The following PTPA variants were observed in gnomAD, a reference collection of about 807,000 sequenced individuals.
PTPA encodes the protein serine/threonine-protein phosphatase 2A activator.
PTPA carries 13 observed loss-of-function variants against 43.6 expected under a neutral mutation model. The observed-to-expected ratio is 0.30, with a 90% CI of 0.19 to 0.47. The LOEUF (loss-of-function observed/expected upper bound fraction) is 0.47. PTPA is among the 20% of genes least tolerant of loss of function. PTPA has a pLI of 0.99. For synonymous variants in PTPA, 172 were observed against 158.2 expected (o/e 1.09, Z -0.66); for missense variants, 329 against 411.9 (o/e 0.80, Z 1.74).
chr9:129,143,731 T>C (rs1851075930), intron 9 of PTPA: 1 of 283,388 alleles, frequency 3.5e-6, no homozygotes, highest in African/African-American at 2.1e-5. Context: ...CTCTCTAATC[T>C]GAGAGGCCTG....
intron 8 of PTPA, 182 bp from the exon 9 acceptor site, chr9:129,142,261 GTT>G: frequency 2.0e-6 from 1 of 506,414 alleles, no homozygotes; most frequent in Non-Finnish European, 3.4e-6. Context: ...GCATGTGCCT[GTT>G]TGTATGTTTG....
Position 129,142,507 on chromosome 9 carries a change from C to T in PTPA, c.849C>T (p.Ser283=). 6.2e-7 allele frequency: 1 copy of T among 1,613,470 alleles called. No individual in the cohort carries two copies. Among genetic ancestry groups the T allele is most frequent in the Non-Finnish European group, 8.5e-7 (1 of 1,179,466 alleles). The change falls in exon 9 of 10, where the codon TCC becomes TCT. Residue 283 remains serine (S), a synonymous_variant. Coordinates refer to ENST00000393370, the MANE Select transcript of PTPA (RefSeq NM_178000.3). ...TGTGGAACATCAGCGCCGTCCCTTCCTGGTCCAAAGTGAACCAGGGTCTCA... is the reference window on the plus strand; with the variant it reads ...TGTGGAACATCAGCGCCGTCCCTTCTTGGTCCAAAGTGAACCAGGGTCTCA... The part of the protein sequence containing the change: ...NQLWNISAVP[S]WSKVNQGLIR...
intron 8 of PTPA, among the ~76,000 whole-genome samples, chr9:129,141,112 T>C (rs1850782595): frequency 6.6e-6 from 1 of 152,052 alleles, no homozygotes; most frequent in African/African-American, 2.4e-5. Flanking sequence ...TTTGGGAACC[T>C]GGGCCAGGGG....
chr9:129,132,230 T>C (rs1250235874), intron 5 of PTPA, among the ~76,000 whole-genome samples: 1 of 152,178 alleles, frequency 6.6e-6, no homozygotes, highest in African/African-American at 2.4e-5. Flanking sequence ...TTTTGGAGGC[T>C]GAGGGGGAGG....
intron 9 of PTPA, chr9:129,142,887 CTCGGGCAG>C: frequency 2.7e-6 from 4 of 1,501,748 alleles, no homozygotes; most frequent in Non-Finnish European, 3.6e-6. Context: ...CTCCTCAAAG[CTCGGGCAG>C]TCTGAGTCTG....
intron 3 of PTPA, among the ~76,000 whole-genome samples, chr9:129,125,262 G>T (rs1436259523): frequency 2.6e-5 from 4 of 151,020 alleles, no homozygotes; most frequent in African/African-American, 9.7e-5. Flanking sequence ...AGCAGGTATT[G>T]TCTTTTTTTT....
chr9:129,111,371 G>A, upstream of PTPA: 2 of 1,197,310 alleles, frequency 1.7e-6, no homozygotes, highest in Non-Finnish European at 2.1e-6. Flanking sequence ...CCGCGCGTCC[G>A]CCGCGCGCCG....
chr9:129,111,241 G>A (rs2131516197), upstream of PTPA: 1 of 1,145,994 alleles, frequency 8.7e-7, no homozygotes, highest in Non-Finnish European at 1.1e-6. Context: ...TTGACGCCCC[G>A]CACAATCGTG....
At chr9:129,130,133 A>C (rs1396415303) in intron 4 of PTPA, among the ~76,000 whole-genome samples, 2 of 152,206 alleles carry the variant, frequency 1.3e-5, no homozygotes, top group Admixed American at 6.5e-5. Context: ...GGTGTTACCT[A>C]TTCAAAGCAA....
chr9:129,118,429 C>G (rs1046286113), intron 1 of PTPA, among the ~76,000 whole-genome samples: 1 of 151,964 alleles, frequency 6.6e-6, no homozygotes, highest in Non-Finnish European at 1.5e-5. Context: ...GGCTGGAGTG[C>G]GATGGCACGA....
intron 9 of PTPA, chr9:129,143,295 A>C: frequency 5.7e-6 from 4 of 702,814 alleles, no homozygotes; most frequent in Middle Eastern, 2.3e-4. Flanking sequence ...GAACTGCTTG[A>C]CCTTGGCCAG....
rs761314860 is a variant in PTPA, at chr9:129,142,535, C to T, written c.877C>T (p.Arg293Cys). Reference protein sequence around the residue: ...SWSKVNQGLIRMYKAECLEKF... With the variant: ...SWSKVNQGLICMYKAECLEKF... Reference sequence around the variant, plus strand: ...GTCCAAAGTGAACCAGGGTCTCATCCGCATGTATAAGGCCGAGGTGAGTGG... The same window carrying T: ...GTCCAAAGTGAACCAGGGTCTCATCTGCATGTATAAGGCCGAGGTGAGTGG... The change falls in exon 9 of 10, where the codon CGC becomes TGC. Residue 293 changes from arginine to cysteine, a missense_variant. Transcript: ENST00000393370. 5 of 1,614,122 alleles carry T rather than the reference C, an allele frequency of 3.1e-6. No individual in the cohort carries two copies. In the South Asian group the frequency reaches 3.3e-5, roughly 11 times the overall value.
At chr9:129,126,927 C>T (rs1399178719) in intron 3 of PTPA, among the ~76,000 whole-genome samples, 2 of 152,166 alleles carry the variant, frequency 1.3e-5, no homozygotes, top group African/African-American at 4.8e-5. Context: ...CCCTTCAGTG[C>T]CTCGCCTAAG....
intron 9 of PTPA, chr9:129,143,661 C>CCCCCTTTGGTCCCCTT: frequency 1.9e-6 from 1 of 513,860 alleles, no homozygotes; most frequent in Non-Finnish European, 3.5e-6. Context: ...TCCGCCCCCT[C>CCCCCTTTGGTCCCCTT]CCCCTTTGGT....
At position 129,131,649 on chromosome 9, in the gene PTPA, G is replaced by A; in HGVS notation, c.460+10G>A. On this transcript the variant is annotated intron_variant, in intron 5 of 9. Coordinates refer to ENST00000393370, the MANE Select transcript of PTPA (RefSeq NM_178000.3). ...ATTGACTACGGCACAGGTATCTGCT[G>A]CTTGTGGGGCTCTGTACTTATCTAG... is the stretch of plus-strand genomic sequence containing the variant. The A allele has an allele frequency of 6.2e-7, 1 of 1,610,400 alleles. No homozygotes were observed. The highest frequency in any genetic ancestry group is 1.3e-5 in the African/African-American group (1 of 74,960).
At chr9:129,130,723 A>G (rs1460018039) in intron 4 of PTPA, among the ~76,000 whole-genome samples, 1 of 152,170 alleles carries the variant, frequency 6.6e-6, no homozygotes, top group Non-Finnish European at 1.5e-5. Flanking sequence ...GACAAATCAT[A>G]GCTTTACAGC....
intron 1 of PTPA, among the ~76,000 whole-genome samples, chr9:129,117,943 C>A (rs1848988851): frequency 6.6e-6 from 1 of 152,038 alleles, no homozygotes; most frequent in Admixed American, 6.6e-5. Flanking sequence ...AAATGATCCA[C>A]CTACCTCAGC....
rs964843995 is a variant in PTPA at position 129,143,128 on chromosome 9, C to G, written c.894+576C>G. ...AGAGCTGAGGCTTCCTGGAGCTCCC[C>G]CTGCTGGCAGGCAGCCGAGGGTGTC... On this transcript the variant is annotated intron_variant, in intron 9 of 9. Transcript: ENST00000393370. 352 of 615,338 alleles carry G rather than the reference C, an allele frequency of 5.7e-4. 2 individuals carry two copies. Among genetic ancestry groups the G allele is most frequent in the Middle Eastern group, 8.6e-4 (2 of 2,328 alleles). 38.1% of individuals were successfully genotyped at this position (615,338 alleles called of 1,614,324 possible).
chr9:129,142,188 A>G, intron 8 of PTPA: 2 of 395,392 alleles, frequency 5.1e-6, no homozygotes, highest in Non-Finnish European at 9.0e-6. Context: ...GTAGGTGGGC[A>G]AGGAATGTTA....
Sources: allele counts gnomAD v4.1 joint callset (sites outside exome capture counted in the v4.1 genomes callset), GRCh38; gene constraint gnomAD v4.1.1; transcripts MANE v1.5; gene names NCBI Gene and HGNC (gene_info 2026-07-23, HGNC 2026-07-21).